The following SLC15A2 variants were observed in gnomAD, a reference collection of about 807,000 sequenced individuals.
SLC15A2 encodes solute carrier family 15 member 2.
A neutral mutation model predicts 95.5 loss-of-function variants in SLC15A2; 77 were observed. That is an observed-to-expected ratio of 0.81 (90% confidence interval 0.67 to 0.97). The LOEUF is 0.97. SLC15A2 is among the 50% of genes least tolerant of loss of function. SLC15A2 has a pLI of 0.00. For synonymous variants in SLC15A2, 306 were observed against 306.9 expected (o/e 1.00, Z 0.03); for missense variants, 893 against 874.4 (o/e 1.02, Z -0.27).
chr3:121,922,161 A>C lies in SLC15A2; in HGVS notation c.698-59A>C. 2.8e-6 allele frequency: 4 copies of C among 1,431,648 alleles called. No homozygotes were observed. In the East Asian group the frequency reaches 9.1e-5, roughly 33 times the overall value. The allele number at this position is 1,431,648 out of a possible 1,614,324, so 88.7% of individuals were successfully genotyped here. On this transcript the variant is annotated intron_variant, in intron 7 of 21. Transcript: ENST00000489711. ...TGAAAGTAATGGCAAAACTGCAATA[A>C]CCTTTGCACCAACCTAATAAATGAG... is the stretch of plus-strand genomic sequence containing the variant.
Position 121,923,092 on chromosome 3 carries a change from T to C in SLC15A2, c.920T>C (p.Ile307Thr). The part of the protein sequence containing the change: ...KALTRVLFLY[I>T]PLPMFWALLD... ...CTGACCAGGGTACTATTCCTTTATA[T>C]CCCATTGCCCATGTTCTGGGCTCTT... Residue 307 changes from isoleucine to threonine, a missense_variant, in exon 10 of 22, where the codon ATC (isoleucine) becomes ACC (threonine). Coordinates refer to ENST00000489711, the MANE Select transcript of SLC15A2 (RefSeq NM_021082.4). 1 of 1,614,076 alleles carries C rather than the reference T, an allele frequency of 6.2e-7. No homozygotes were observed. Among genetic ancestry groups the C allele is most frequent in the East Asian group, 2.2e-5 (1 of 44,876 alleles).
intron 3 of SLC15A2, 27 bp from the exon 4 acceptor site, chr3:121,911,547 G>C (rs756533683): frequency 6.6e-7 from 1 of 1,517,768 alleles, no homozygotes; most frequent in Non-Finnish European, 9.2e-7. Flanking sequence ...TCTGGTTTTA[G>C]ACTGACTGAT....
chr3:121,925,135 T>G, intron 13 of SLC15A2, 102 bp downstream of exon 13: 1 of 832,578 alleles, frequency 1.2e-6, no homozygotes, highest in Non-Finnish European at 2.0e-6. Flanking sequence ...GAGGATTGGT[T>G]TTAGTTTATC....
chr3:121,937,304 G>A (rs374955271), intron 19 of SLC15A2, among the ~76,000 whole-genome samples: 11 of 84,280 alleles, frequency 1.3e-4, no homozygotes, highest in Admixed American at 8.6e-4. Flanking sequence ...GAATCTGAAC[G>A]TTGGCCTGCC....
In SLC15A2 at chr3:121,943,906, T is replaced by G. The variant is rs570746718; in HGVS notation, c.*2899T>G. Reference sequence around the variant, plus strand: ...AATGGTATTTTTATACTTAAACATATCTAAACATAGAAACGGTACAAAAAA... The same window carrying G: ...AATGGTATTTTTATACTTAAACATAGCTAAACATAGAAACGGTACAAAAAA... On this transcript the variant is annotated 3_prime_UTR_variant, in exon 22 of 22. Coordinates refer to ENST00000489711, the MANE Select transcript of SLC15A2 (RefSeq NM_021082.4). The G allele has an allele frequency of 6.6e-6, 1 of 152,370 alleles. No individual in the cohort carries two copies. Among genetic ancestry groups the G allele is most frequent in the Admixed American group, 6.5e-5 (1 of 15,308 alleles). The allele number at this position is 152,370 out of a possible 1,614,324, so 9.4% of individuals were successfully genotyped here.
In SLC15A2 at chr3:121,943,287, T is replaced by C. The variant is rs770413756; in HGVS notation, c.*2280T>C. On this transcript the variant is annotated 3_prime_UTR_variant, in exon 22 of 22. Coordinates refer to ENST00000489711, the MANE Select transcript of SLC15A2 (RefSeq NM_021082.4). Reference sequence around the variant, plus strand: ...ATCTAAAAAAAAAAAGAAAAGAATATGTATACCCCCTTTTTCATGTGGCAG... The same window carrying C: ...ATCTAAAAAAAAAAAGAAAAGAATACGTATACCCCCTTTTTCATGTGGCAG... 1 of 151,624 alleles carries C rather than the reference T, an allele frequency of 6.6e-6. No individual in the cohort carries two copies. Among genetic ancestry groups the C allele is most frequent in the Non-Finnish European group, 1.5e-5 (1 of 67,884 alleles). 9.4% of individuals were successfully genotyped at this position (151,624 alleles called of 1,614,324 possible).
At chr3:121,918,704 AG>A (rs1020786102) in intron 7 of SLC15A2, among the ~76,000 whole-genome samples, 6 of 151,572 alleles carry the variant, frequency 4.0e-5, no homozygotes, top group Admixed American at 3.9e-4. Flanking sequence ...GATATGAAGA[AG>A]ATTTCAAGAA....
chr3:121,897,414 T>G lies in SLC15A2; in HGVS notation c.220T>G (p.Phe74Val), dbSNP rs752943810. 2 of 1,614,038 alleles carry G rather than the reference T, an allele frequency of 1.2e-6. No individual in the cohort carries two copies. The highest frequency in any genetic ancestry group is 2.7e-5 in the African/African-American group (2 of 74,922). Residue 74 changes from phenylalanine (F) to valine (V), a missense_variant, in exon 3 of 22, where the codon TTC becomes GTC. Phe to Val is a conservative substitution (Grantham distance 50). Coordinates refer to ENST00000489711, the MANE Select transcript of SLC15A2 (RefSeq NM_021082.4). The part of the protein sequence containing the change: ...KAVLILYFLY[F>V]LHWNEDTSTS... Reference sequence around the variant, plus strand: ...TGTGCTGATCCTGTATTTCCTGTATTTCCTGCACTGGAATGAAGATACCTC... The same window carrying G: ...TGTGCTGATCCTGTATTTCCTGTATGTCCTGCACTGGAATGAAGATACCTC...
At chr3:121,932,058 C>T (rs1710244766) in intron 19 of SLC15A2, among the ~76,000 whole-genome samples, 3 of 152,152 alleles carry the variant, frequency 2.0e-5, no homozygotes, top group African/African-American at 7.2e-5. Flanking sequence ...CCACCACCAC[C>T]ATGCCCAGCT....
intron 5 of SLC15A2, among the ~76,000 whole-genome samples, chr3:121,913,467 G>A (rs894123975): frequency 2.0e-5 from 3 of 152,232 alleles, no homozygotes; most frequent in Admixed American, 1.3e-4. Flanking sequence ...AAGCCTCCAA[G>A]AAGCCAGTGT....
chr3:121,928,417 T>C lies in SLC15A2; in HGVS notation c.1207-4T>C. On this transcript the variant is annotated splice_polypyrimidine_tract_variant and splice_region_variant and intron_variant, in intron 14 of 21. Coordinates refer to ENST00000489711, the MANE Select transcript of SLC15A2 (RefSeq NM_021082.4). Reference sequence around the variant, plus strand: ...TGATTCTGACATGTGTTCTTTGCTCTAAGGAAATGGCCCCAGCCCAGCCAG... The same window carrying C: ...TGATTCTGACATGTGTTCTTTGCTCCAAGGAAATGGCCCCAGCCCAGCCAG... 1 of 1,613,018 alleles carries C rather than the reference T, an allele frequency of 6.2e-7. No homozygotes were observed. Among genetic ancestry groups the C allele is most frequent in the Non-Finnish European group, 8.5e-7 (1 of 1,179,506 alleles).
intron 19 of SLC15A2, among the ~76,000 whole-genome samples, chr3:121,936,258 A>G (rs1178677561): frequency 6.6e-6 from 1 of 151,974 alleles, no homozygotes. Flanking sequence ...TGGGGTGGAG[A>G]GTTCTGTAGA....
Position 121,941,009 on chromosome 3 carries a change from G to C in SLC15A2, c.*2G>C. 6.2e-7 allele frequency: 1 copy of C among 1,612,220 alleles called. No homozygotes were observed. ...GAGACCAAGAAGACAAAACTCTGATGACTCCCTAGATTCTGTCCTGACCCC... is the reference window on the plus strand; with the variant it reads ...GAGACCAAGAAGACAAAACTCTGATCACTCCCTAGATTCTGTCCTGACCCC... On this transcript the variant is annotated 3_prime_UTR_variant, in exon 22 of 22. Coordinates refer to ENST00000489711, the MANE Select transcript of SLC15A2 (RefSeq NM_021082.4).
rs1022311674 is a variant in SLC15A2, at chr3:121,941,187, C to T, written c.*180C>T. 9.0e-6 allele frequency: 5 copies of T among 553,584 alleles called. No homozygotes were observed. The highest frequency in any genetic ancestry group is 7.7e-5 in the African/African-American group (4 of 52,160). 34.3% of individuals were successfully genotyped at this position (553,584 alleles called of 1,614,324 possible). On this transcript the variant is annotated 3_prime_UTR_variant, in exon 22 of 22. Transcript: ENST00000489711. ...ACATCTTTAAACAAGGCCCCAGAGA[C>T]TCTATGTCTGCCCGTCCATCAGTGA...
intron 7 of SLC15A2, among the ~76,000 whole-genome samples, chr3:121,920,356 C>G (rs1380528188): frequency 1.3e-5 from 2 of 152,068 alleles, no homozygotes; most frequent in African/African-American, 4.8e-5. Context: ...AGTGTGGTGG[C>G]GCAATCTCAG....
At chr3:121,935,967 T>A (rs1710337618) in intron 19 of SLC15A2, among the ~76,000 whole-genome samples, 2 of 152,330 alleles carry the variant, frequency 1.3e-5, no homozygotes, top group Admixed American at 6.5e-5. Context: ...ATGTTGTGTC[T>A]TTGTTCTCGT....
intron 3 of SLC15A2, among the ~76,000 whole-genome samples, chr3:121,898,916 A>C (rs1191653881): frequency 1.3e-5 from 2 of 152,198 alleles, no homozygotes; most frequent in Admixed American, 1.3e-4. Context: ...ATAACACAGT[A>C]CTGAACAGTT....
chr3:121,934,171 T>C (rs888518735), intron 19 of SLC15A2, among the ~76,000 whole-genome samples: 11 of 152,366 alleles, frequency 7.2e-5, no homozygotes, highest in African/African-American at 1.2e-4. Flanking sequence ...TGTAGCCTTG[T>C]AGTATAGTTT....
Position 121,906,764 on chromosome 3 carries a change from C to T in SLC15A2, c.336-4810C>T, listed in dbSNP as rs1041992881. 4.6e-5 allele frequency among the ~76,000 whole-genome samples: 7 copies of T among 152,216 alleles called. No homozygotes were observed. In the South Asian group the frequency reaches 1.0e-3, roughly 23 times the overall value. ...GATGGGCTTCCCTTTGTGGGTAACCCGACCTTTCTCTCTGGCTGCCCTTAA... is the reference window on the plus strand; with the variant it reads ...GATGGGCTTCCCTTTGTGGGTAACCTGACCTTTCTCTCTGGCTGCCCTTAA... On this transcript the variant is annotated intron_variant, in intron 3 of 21. Transcript: ENST00000489711.
Sources: gnomAD v4.1 joint callset for allele counts (sites outside exome capture counted in the v4.1 genomes callset) on GRCh38, gnomAD v4.1.1 for gene constraint, MANE v1.5 for transcripts, NCBI Gene and HGNC (gene_info 2026-07-23, HGNC 2026-07-21) for gene names.